PALMD: variants seen among roughly 807,000 people sequenced by gnomAD.
The protein encoded by PALMD is palmdelphin.
A neutral mutation model predicts 56.2 loss-of-function variants in PALMD; 42 were observed. The observed-to-expected ratio is 0.75, with a 90% CI of 0.58 to 0.97. The LOEUF (loss-of-function observed/expected upper bound fraction) is 0.97, where lower values mean the gene tolerates loss of function less well. Among genes scored for constraint, PALMD ranks in the 50% least tolerant of loss-of-function variants. The pLI, the probability that PALMD is intolerant of heterozygous loss-of-function variation, is 0.00. For missense variants in PALMD, 660 were observed against 643.8 expected (o/e 1.03, Z -0.27); for synonymous variants, 242 against 222.9 (o/e 1.09, Z -0.76).
intron 7 of PALMD, among the ~76,000 whole-genome samples, chr1:99,693,620 G>T (rs115654534): frequency 6.6e-6 from 1 of 152,126 alleles, no homozygotes; most frequent in East Asian, 1.9e-4. Context: ...AAGCAAACAC[G>T]ATCATGAAAT....
At position 99,689,215 on chromosome 1, in the gene PALMD, C is replaced by T. The variant is rs1490870255; in HGVS notation, c.955C>T (p.His319Tyr). 3 of 1,613,446 alleles carry T rather than the reference C, an allele frequency of 1.9e-6. No homozygotes were observed. Among genetic ancestry groups the T allele is most frequent in the African/African-American group, 2.7e-5 (2 of 74,840 alleles). The stretch of plus-strand genomic sequence containing the variant: ...AGAGGAAAGGGGAAACAACTTCAAT[C>T]ACATCAGTCCCATTCCGCCAGTGCC... ...LSEERGNNFN[H>Y]ISPIPPVPHP... The change falls in exon 7 of 8, where the codon CAC becomes TAC. Residue 319 changes from histidine (H) to tyrosine (Y), a missense_variant. By Grantham distance (83) the His-to-Tyr change is moderately conservative. Transcript: ENST00000263174.
chr1:99,646,355 C>T lies in PALMD; in HGVS notation c.38C>T (p.Ala13Val). ...EAELVKGRLQAITDKRKIQEE... is the reference protein window; with the variant it reads ...EAELVKGRLQVITDKRKIQEE... ...GAGCTGGTGAAGGGAAGACTCCAGGCCATCACAGTAAGTCTGCATACAGTT... is the reference window on the plus strand; with the variant it reads ...GAGCTGGTGAAGGGAAGACTCCAGGTCATCACAGTAAGTCTGCATACAGTT... The change falls in exon 1 of 8, where the codon GCC becomes GTC. Residue 13 changes from alanine to valine, a missense_variant. Coordinates refer to ENST00000263174, the MANE Select transcript of PALMD (RefSeq NM_017734.5). The T allele has an allele frequency of 2.5e-6, 4 of 1,611,526 alleles. No homozygotes were observed. The highest frequency in any genetic ancestry group is 3.4e-6 in the Non-Finnish European group (4 of 1,177,650).
chr1:99,658,673 A>T (rs962173835), intron 1 of PALMD, among the ~76,000 whole-genome samples: 20 of 152,130 alleles, frequency 1.3e-4, no homozygotes, highest in Non-Finnish European at 2.6e-4. Flanking sequence ...TGGGAGGCTG[A>T]GGCAGGAGAA....
At chr1:99,673,273 T>C (rs1337244740) in intron 3 of PALMD, among the ~76,000 whole-genome samples, 1 of 139,270 alleles carries the variant, frequency 7.2e-6, no homozygotes, top group Non-Finnish European at 1.7e-5. Context: ...TTATTATTAT[T>C]TCCATCCAAG....
intron 3 of PALMD, among the ~76,000 whole-genome samples, chr1:99,675,890 T>A (rs1653200839): frequency 6.6e-6 from 1 of 152,176 alleles, no homozygotes; most frequent in African/African-American, 2.4e-5. Context: ...TAGGATACTA[T>A]CATCTGCCCA....
chr1:99,675,667 G>A (rs1188573365), intron 3 of PALMD, among the ~76,000 whole-genome samples: 1 of 152,182 alleles, frequency 6.6e-6, no homozygotes, highest in Non-Finnish European at 1.5e-5. Flanking sequence ...CATCAACCTT[G>A]AGACTATATG....
intron 3 of PALMD, among the ~76,000 whole-genome samples, chr1:99,672,883 C>T (rs1425085558): frequency 6.6e-6 from 1 of 151,958 alleles, no homozygotes; most frequent in East Asian, 1.9e-4. Flanking sequence ...TCCAAAGTGC[C>T]CTTCTGACCT....
Position 99,658,167 on chromosome 1 carries a change from G to A in PALMD, c.46-4152G>A, listed in dbSNP as rs370769601. ...AAAAATACAAAAATTACCCGGGCAT[G>A]GTGGGGCATGCCTGTAACCTCATCT... On this transcript the variant is annotated intron_variant, in intron 1 of 7. Coordinates refer to ENST00000263174, the MANE Select transcript of PALMD (RefSeq NM_017734.5). Among the ~76,000 whole-genome samples the A allele has an allele frequency of 2.2e-4, 33 of 151,982 alleles. 1 individual carries two copies. Among genetic ancestry groups the A allele is most frequent in the African/African-American group, 7.2e-4 (30 of 41,476 alleles).
Position 99,667,774 on chromosome 1 carries a change from C to G in PALMD, c.251+8C>G, listed in dbSNP as rs1444873340. The G allele has an allele frequency of 6.2e-7, 1 of 1,612,046 alleles. No individual in the cohort carries two copies. Reference sequence around the variant, plus strand: ...AGAACAAAGTATCCTCAGGTATGGCCCTCACTGAGATACTCCACAACTACC... The same window carrying G: ...AGAACAAAGTATCCTCAGGTATGGCGCTCACTGAGATACTCCACAACTACC... On this transcript the variant is annotated splice_region_variant and intron_variant, in intron 3 of 7. Transcript: ENST00000263174.
chr1:99,693,996 CTT>C, intron 7 of PALMD, 21 bp from the exon 8 acceptor site: 1 of 1,529,682 alleles, frequency 6.5e-7, no homozygotes, highest in Non-Finnish European at 8.9e-7. Context: ...TTATAACTCT[CTT>C]TTTTTTTCTT....
At chr1:99,691,304 C>G (rs1314783383) in intron 7 of PALMD, among the ~76,000 whole-genome samples, 1 of 152,114 alleles carries the variant, frequency 6.6e-6, no homozygotes, top group Non-Finnish European at 1.5e-5. Flanking sequence ...TATTAGCCAG[C>G]TCCTCCTGAA....
chr1:99,689,370 C>T lies in PALMD; in HGVS notation c.1110C>T (p.Ser370=), dbSNP rs776123287. 3 of 1,613,592 alleles carry T rather than the reference C, an allele frequency of 1.9e-6. No homozygotes were observed. The South Asian group carries it at 3.3e-5, about 18-fold the overall frequency. ...KDAPSPKPRL[S]PRETIFGKSE... is the part of the protein sequence containing the mutation. ...CACCCTCTCCAAAGCCAAGGCTGAGCCCCAGAGAGACAATATTTGGGAAAT... is the reference window on the plus strand; with the variant it reads ...CACCCTCTCCAAAGCCAAGGCTGAGTCCCAGAGAGACAATATTTGGGAAAT... The change falls in exon 7 of 8, where the codon AGC becomes AGT. Residue 370 remains serine, a synonymous_variant. Transcript: ENST00000263174.
chr1:99,669,744 G>A (rs1469809315), intron 3 of PALMD: 1 of 152,246 alleles, frequency 6.6e-6, no homozygotes, highest in Non-Finnish European at 1.5e-5. Flanking sequence ...AATGCTCTGA[G>A]AAGCACACGA....
chr1:99,667,562 T>G, intron 2 of PALMD, 80 bp from the exon 3 acceptor site: 1 of 1,156,484 alleles, frequency 8.6e-7, no homozygotes, highest in Non-Finnish European at 1.3e-6. Context: ...CTATTGAAAT[T>G]CATAAGATTT....
intron 3 of PALMD, chr1:99,684,652 A>C (rs1653447008): frequency 6.6e-6 from 1 of 152,210 alleles, no homozygotes; most frequent in African/African-American, 2.4e-5. Context: ...CCTCCCATGT[A>C]GCTGAGACCA....
chr1:99,689,444 T>A lies in PALMD; in HGVS notation c.1184T>A (p.Val395Asp). The change falls in exon 7 of 8, where the codon GTC (valine) becomes GAC (aspartate). Residue 395 changes from valine to aspartate, a missense_variant. By Grantham distance (152) the Val-to-Asp change is radical. Transcript: ENST00000263174. The stretch of plus-strand genomic sequence containing the variant: ...ACTTGTCAGGAGGACGAGGAAGATG[T>A]CAGATATAATATCGTTCATTCCCTG... ...SPTCQEDEEDVRYNIVHSLPP... is the reference protein window; with the variant it reads ...SPTCQEDEEDDRYNIVHSLPP... 1 of 1,613,642 alleles carries A rather than the reference T, an allele frequency of 6.2e-7. No homozygotes were observed. The highest frequency in any genetic ancestry group is 8.5e-7 in the Non-Finnish European group (1 of 1,179,766).
At chr1:99,653,812 G>A (rs915254762) in intron 1 of PALMD, among the ~76,000 whole-genome samples, 5 of 152,084 alleles carry the variant, frequency 3.3e-5, no homozygotes, top group African/African-American at 1.2e-4. Context: ...GAATCTGGTT[G>A]CCTTTAACTT....
At chr1:99,675,702 A>G (rs1653184663) in intron 3 of PALMD, among the ~76,000 whole-genome samples, 1 of 152,182 alleles carries the variant, frequency 6.6e-6, no homozygotes. Context: ...TTTGAAAATG[A>G]CATTTGTTTA....
chr1:99,681,195 G>A (rs1014613129), intron 3 of PALMD, among the ~76,000 whole-genome samples: 2 of 151,450 alleles, frequency 1.3e-5, no homozygotes, highest in African/African-American at 4.9e-5. Context: ...GGACTAACCC[G>A]CTGAGCAGAA....
Sources: allele counts gnomAD v4.1 joint callset (sites outside exome capture counted in the v4.1 genomes callset), GRCh38; gene constraint gnomAD v4.1.1; transcripts MANE v1.5; gene names NCBI Gene and HGNC (gene_info 2026-07-23, HGNC 2026-07-21).